The following OPN5 variants were observed in gnomAD, a reference collection of about 807,000 sequenced individuals.
The protein encoded by OPN5 is opsin 5.
Under a neutral mutation model 41.7 loss-of-function variants are expected in OPN5, and 18 were observed. That is an observed-to-expected ratio of 0.43 (90% CI 0.30 to 0.64). The LOEUF is 0.64. OPN5 is among the 30% of genes least tolerant of loss of function. OPN5 has a pLI of 0.13. For missense variants in OPN5, 318 were observed against 434.5 expected (o/e 0.73, Z 2.38); for synonymous variants, 178 against 164.3 (o/e 1.08, Z -0.64).
intron 4 of OPN5, among the ~76,000 whole-genome samples, chr6:47,800,279 G>A (rs1231279351): frequency 1.3e-5 from 2 of 152,178 alleles, no homozygotes; most frequent in East Asian, 3.9e-4. Flanking sequence ...TGTAAGTGAG[G>A]GGTATCTCAA....
chr6:47,823,806 C>T (rs1027863363), intron 6 of OPN5, among the ~76,000 whole-genome samples, 177 bp from the exon 7 acceptor site: 5 of 152,110 alleles, frequency 3.3e-5, no homozygotes, highest in African/African-American at 7.2e-5. Context: ...GCAGGATGCA[C>T]CTGCAAAGAG....
chr6:47,809,785 G>T (rs1312711640), intron 5 of OPN5, among the ~76,000 whole-genome samples: 1 of 152,210 alleles, frequency 6.6e-6, no homozygotes, highest in African/African-American at 2.4e-5. Flanking sequence ...TCTTTCTGAA[G>T]TAATAACACT....
chr6:47,812,239 G>C (rs935512207), intron 6 of OPN5, among the ~76,000 whole-genome samples: 11 of 152,090 alleles, frequency 7.2e-5, no homozygotes, highest in African/African-American at 2.4e-4. Context: ...ATTCCACAAA[G>C]GAGTCCTCTG....
rs1208313344 is a variant in OPN5, at chr6:47,816,426, C to A, written c.1056+4695C>A. Reference sequence around the variant, plus strand: ...GAGAAATATGGGGCTTTTGCAAGGTCTTCTAGAGCAGAATTCAATCATTGC... The same window carrying A: ...GAGAAATATGGGGCTTTTGCAAGGTATTCTAGAGCAGAATTCAATCATTGC... On this transcript the variant is annotated intron_variant, in intron 6 of 6. Transcript: ENST00000371211. Among the ~76,000 whole-genome samples, 3 of 152,090 alleles carry A rather than the reference C, an allele frequency of 2.0e-5. No individual in the cohort carries two copies. The East Asian group carries it at 5.8e-4, about 29-fold the overall frequency.
At chr6:47,807,177 T>A (rs1257931749) in intron 4 of OPN5, among the ~76,000 whole-genome samples, 1 of 152,102 alleles carries the variant, frequency 6.6e-6, no homozygotes, top group African/African-American at 2.4e-5. Flanking sequence ...ACGCCCCAAT[T>A]TGCCCCATAG....
chr6:47,809,447 CAAA>C (rs1362179083), intron 5 of OPN5, among the ~76,000 whole-genome samples: 1 of 152,070 alleles, frequency 6.6e-6, no homozygotes, highest in East Asian at 1.9e-4. Flanking sequence ...GAAAAGATGA[CAAA>C]AAGGCACAAA....
chr6:47,817,567 G>A (rs1446914929), intron 6 of OPN5, among the ~76,000 whole-genome samples: 1 of 152,092 alleles, frequency 6.6e-6, no homozygotes, highest in Non-Finnish European at 1.5e-5. Flanking sequence ...TCTCCTGAGA[G>A]CTGGTTACGA....
chr6:47,786,459 C>A (rs1312507923), intron 1 of OPN5, 56 bp from the exon 2 acceptor site: 5 of 1,512,642 alleles, frequency 3.3e-6, no homozygotes, highest in Non-Finnish European at 4.6e-6. Flanking sequence ...TGTTTCATAT[C>A]TGAGTGAACT....
chr6:47,802,026 G>T (rs990098441), intron 4 of OPN5, among the ~76,000 whole-genome samples: 6 of 152,210 alleles, frequency 3.9e-5, no homozygotes, highest in Non-Finnish European at 8.8e-5. Context: ...CCTGCCATAG[G>T]CTGAAAGCCT....
chr6:47,782,759 T>C (rs1179157399), intron 1 of OPN5, among the ~76,000 whole-genome samples: 3 of 152,158 alleles, frequency 2.0e-5, no homozygotes, highest in Non-Finnish European at 4.4e-5. Context: ...TGGTGATAAA[T>C]GGAAGAAAGT....
chr6:47,782,121 C>G, exon 1 of OPN5: 9 of 1,612,296 alleles, frequency 5.6e-6, no homozygotes, highest in Non-Finnish European at 7.6e-6. Flanking sequence ...CCATTACCTT[C>G]GAGATGGGGA....
chr6:47,803,096 A>C (rs1309301369), intron 4 of OPN5, among the ~76,000 whole-genome samples: 1 of 152,146 alleles, frequency 6.6e-6, no homozygotes, highest in East Asian at 1.9e-4. Context: ...GTTGACCTTA[A>C]TTATCATTCT....
intron 3 of OPN5, chr6:47,794,914 T>A (rs191260340): frequency 3.1e-5 from 8 of 256,770 alleles, no homozygotes; most frequent in Admixed American, 2.4e-4. Context: ...CTTTCCGAGA[T>A]GTTTTCTCAA....
intron 4 of OPN5, among the ~76,000 whole-genome samples, chr6:47,806,649 G>T (rs1379397827): frequency 6.6e-6 from 1 of 152,108 alleles, no homozygotes; most frequent in Non-Finnish European, 1.5e-5. Context: ...ACCTACTAGT[G>T]TCTCAAAGAA....
At chr6:47,814,030 TA>T (rs1345648984) in intron 6 of OPN5, among the ~76,000 whole-genome samples, 1 of 152,138 alleles carries the variant, frequency 6.6e-6, no homozygotes, top group East Asian at 1.9e-4. Flanking sequence ...GAATGATATA[TA>T]GATTATATCA....
chr6:47,799,828 T>C (rs551856679), intron 4 of OPN5, among the ~76,000 whole-genome samples: 3 of 152,180 alleles, frequency 2.0e-5, no homozygotes, highest in South Asian at 4.1e-4. Flanking sequence ...GTAGGTCCTG[T>C]ACCTATTTGG....
chr6:47,785,368 C>T (rs954316690), intron 1 of OPN5, among the ~76,000 whole-genome samples: 3 of 152,132 alleles, frequency 2.0e-5, no homozygotes, highest in Non-Finnish European at 2.9e-5. Context: ...GACCATTAAG[C>T]AGCACTGACT....
At chr6:47,791,538 ATTACT>A (rs1561891337) in intron 2 of OPN5, among the ~76,000 whole-genome samples, 1 of 152,210 alleles carries the variant, frequency 6.6e-6, no homozygotes, top group Non-Finnish European at 1.5e-5. Flanking sequence ...AAAAGTAATA[ATTACT>A]TTAAAGTTTT....
At chr6:47,823,686 C>T in intron 6 of OPN5, 4 of 504,154 alleles carry the variant, frequency 7.9e-6, no homozygotes, top group Non-Finnish European at 1.4e-5. Flanking sequence ...CTAGGCAATG[C>T]TTAGGAGTAG....
Sources: gnomAD v4.1 joint callset for allele counts (sites outside exome capture counted in the v4.1 genomes callset) on GRCh38, gnomAD v4.1.1 for gene constraint, MANE v1.5 for transcripts, NCBI Gene and HGNC (gene_info 2026-07-23, HGNC 2026-07-21) for gene names.